Variants in IQCM observed in about 807,000 individuals in gnomAD.
IQCM encodes the protein IQ domain-containing protein M.
Under a neutral mutation model 57.6 loss-of-function variants are expected in IQCM, and 45 were observed. The observed-to-expected ratio is 0.78, with a 90% CI of 0.62 to 1.00. IQCM has a LOEUF of 1.00. IQCM is among the 50% of genes least tolerant of loss of function. IQCM has a pLI of 0.00. For missense variants in IQCM, 468 were observed against 511.6 expected (o/e 0.91, Z 0.82); for synonymous variants, 148 against 158.9 (o/e 0.93, Z 0.51).
At chr4:149,515,565 T>C (rs781022723) in intron 12 of IQCM, among the ~76,000 whole-genome samples, 35 of 152,162 alleles carry the variant, frequency 2.3e-4, no homozygotes, top group Admixed American at 1.6e-3. Context: ...TCACAGATGG[T>C]TCTGCACGAT....
chr4:149,465,183 A>G (rs1738720311), intron 12 of IQCM, among the ~76,000 whole-genome samples: 1 of 152,224 alleles, frequency 6.6e-6, no homozygotes, highest in Admixed American at 6.5e-5. Context: ...TTGAATATAA[A>G]TCAGATAAAT....
chr4:149,368,855 T>TATATATACATATATACAC (rs1560779209), intron 13 of IQCM, among the ~76,000 whole-genome samples: 4 of 39,314 alleles, frequency 1.0e-4, no homozygotes, highest in Non-Finnish European at 2.1e-4. Context: ...TATATATACA[T>TATATATACATATATACAC]GTATATATAT....
At chr4:149,733,530 A>T in intron 4 of IQCM, 22 bp from the exon 5 acceptor site, 11 of 1,186,446 alleles carry the variant, frequency 9.3e-6, no homozygotes, top group Non-Finnish European at 1.2e-5. Flanking sequence ...ACAAAAATAG[A>T]TTTTGGCAAA....
chr4:149,404,251 C>T (rs1219822287), intron 13 of IQCM, among the ~76,000 whole-genome samples: 1 of 152,012 alleles, frequency 6.6e-6, no homozygotes, highest in Non-Finnish European at 1.5e-5. Context: ...GCTGCCACGC[C>T]TTTATCAGAC....
At chr4:149,367,612 C>G (rs1201707961) in intron 13 of IQCM, among the ~76,000 whole-genome samples, 2 of 151,946 alleles carry the variant, frequency 1.3e-5, no homozygotes, top group Non-Finnish European at 2.9e-5. Context: ...AAAAATAATG[C>G]TACAATAAGC....
intron 12 of IQCM, among the ~76,000 whole-genome samples, chr4:149,522,452 T>C (rs1745749678): frequency 6.6e-6 from 1 of 152,154 alleles, no homozygotes; most frequent in Admixed American, 6.5e-5. Flanking sequence ...CAAAATAACG[T>C]AAGAAAACAT....
chr4:149,576,337 T>C (rs533382928), intron 9 of IQCM, among the ~76,000 whole-genome samples: 84 of 151,952 alleles, frequency 5.5e-4, no homozygotes, highest in Non-Finnish European at 7.8e-4. Context: ...TTGTGTCTAT[T>C]GTGCCCTTCC....
chr4:149,805,474 T>C (rs1773990826), intron 2 of IQCM, among the ~76,000 whole-genome samples: 1 of 152,032 alleles, frequency 6.6e-6, no homozygotes, highest in African/African-American at 2.4e-5. Flanking sequence ...GGAACAAACA[T>C]CCTGAAGAAA....
At chr4:149,421,575 T>G (rs1734123876) in intron 13 of IQCM, among the ~76,000 whole-genome samples, 1 of 152,040 alleles carries the variant, frequency 6.6e-6, no homozygotes, top group African/African-American at 2.4e-5. Context: ...ATTAAATAAC[T>G]CTAGTATCCA....
At chr4:149,713,250 T>A (rs2149836206) in intron 5 of IQCM, among the ~76,000 whole-genome samples, 1 of 152,258 alleles carries the variant, frequency 6.6e-6, no homozygotes, top group South Asian at 2.1e-4. Flanking sequence ...TACTACCACC[T>A]TTTTACCCTC....
chr4:149,744,975 C>T (rs1688403126), intron 2 of IQCM, among the ~76,000 whole-genome samples: 1 of 152,102 alleles, frequency 6.6e-6, no homozygotes, highest in Non-Finnish European at 1.5e-5. Flanking sequence ...ATGAAGACAA[C>T]ATCACCGAGG....
chr4:149,517,813 G>A (rs1273499622), intron 12 of IQCM, among the ~76,000 whole-genome samples: 2 of 152,130 alleles, frequency 1.3e-5, no homozygotes, highest in Admixed American at 1.3e-4. Flanking sequence ...TCCTGTGCTG[G>A]ATGCTTCCTG....
chr4:149,469,876 C>T (rs7377255), intron 12 of IQCM, among the ~76,000 whole-genome samples: 1 of 151,850 alleles, frequency 6.6e-6, no homozygotes, highest in African/African-American at 2.4e-5. Flanking sequence ...CCAAACTAAG[C>T]TTCATAAGTG....
chr4:149,382,055 G>A (rs545091234), intron 13 of IQCM, among the ~76,000 whole-genome samples: 2 of 152,160 alleles, frequency 1.3e-5, no homozygotes, highest in East Asian at 1.9e-4. Flanking sequence ...ATGAGCCATC[G>A]TGCCTGGCCC....
intron 12 of IQCM, among the ~76,000 whole-genome samples, chr4:149,468,460 G>T (rs1268885975): frequency 2.0e-5 from 3 of 152,228 alleles, no homozygotes; most frequent in African/African-American, 7.2e-5. Context: ...GCTTGAATAG[G>T]TAAAAGGAAG....
chr4:149,393,268 T>A (rs1731989529), intron 13 of IQCM, among the ~76,000 whole-genome samples: 2 of 151,946 alleles, frequency 1.3e-5, no homozygotes, highest in African/African-American at 4.8e-5. Flanking sequence ...AAAAATATAA[T>A]GATTGAAATT....
intron 5 of IQCM, among the ~76,000 whole-genome samples, chr4:149,715,894 C>A (rs1764949356): frequency 6.6e-6 from 1 of 152,222 alleles, no homozygotes. Context: ...TGGCTCTTAT[C>A]TGCAGATAGG....
At chr4:149,408,416 G>A (rs980443989) in intron 13 of IQCM, among the ~76,000 whole-genome samples, 5 of 152,074 alleles carry the variant, frequency 3.3e-5, no homozygotes, top group South Asian at 2.1e-4. Context: ...GATATACTAC[G>A]CCATCTGAAT....
At chr4:149,757,213 C>T (rs905434472) in intron 2 of IQCM, among the ~76,000 whole-genome samples, 2 of 151,564 alleles carry the variant, frequency 1.3e-5, no homozygotes, top group African/African-American at 4.8e-5. Flanking sequence ...AGCCAAGATC[C>T]CACCACTGCA....
Sources: gnomAD v4.1 joint callset for allele counts (sites outside exome capture counted in the v4.1 genomes callset) on GRCh38, gnomAD v4.1.1 for gene constraint, MANE v1.5 for transcripts, NCBI Gene and HGNC (gene_info 2026-07-23, HGNC 2026-07-21) for gene names.